ZMAT1: variants seen among roughly 807,000 people sequenced by gnomAD.
ZMAT1 encodes the protein zinc finger matrin-type protein 1.
ZMAT1 carries 11 observed loss-of-function variants against 18.5 expected under a neutral mutation model. The ratio of observed to expected loss-of-function variants is 0.59; its 90% confidence interval spans 0.37 to 0.98. The LOEUF (loss-of-function observed/expected upper bound fraction) is 0.98. Among genes scored for constraint, ZMAT1 ranks in the 50% least tolerant of loss-of-function variants. ZMAT1 has a pLI of 0.01. For synonymous variants in ZMAT1, 211 were observed against 176.4 expected (o/e 1.20, Z -1.55); for missense variants, 525 against 496.2 (o/e 1.06, Z -0.55).
chrX:101,931,663 A>G, intron 1 of ZMAT1, 54 bp downstream of exon 1: 1 of 752,321 alleles, frequency 1.3e-6, no homozygotes. Context: ...GACGGGCTGA[A>G]GAGAGGCAGC....
chrX:101,918,001 A>AC (rs1192523880), intron 1 of ZMAT1, among the ~76,000 whole-genome samples: 1 of 111,901 alleles, frequency 8.9e-6, no homozygotes, highest in Admixed American at 9.5e-5. Flanking sequence ...GAATTCATGG[A>AC]CATACAGATT....
intron 2 of ZMAT1, among the ~76,000 whole-genome samples, chrX:101,901,625 C>T (rs1928237570): frequency 9.0e-6 from 1 of 111,544 alleles, no homozygotes; most frequent in African/African-American, 3.2e-5. Flanking sequence ...CCCTCATGCT[C>T]ACAATCCTTT....
Position 101,931,707 on chromosome X carries a change from G to T in ZMAT1, c.292+10C>A. 4.0e-6 allele frequency: 3 copies of T among 758,877 alleles called. No individual in the cohort carries two copies. The highest frequency in any genetic ancestry group is 4.7e-6 in the Non-Finnish European group (3 of 641,879). 62.5% of individuals were successfully genotyped at this position (758,877 alleles called of 1,213,427 possible). On this transcript the variant is annotated intron_variant, in intron 1 of 5. Transcript: ENST00000651725. ...TGGGGCCGCCCCCGCACCCCGGGACGGGAACTCACCTTCTCTGAGGCAAGG... is the reference window on the plus strand; with the variant it reads ...TGGGGCCGCCCCCGCACCCCGGGACTGGAACTCACCTTCTCTGAGGCAAGG...
intron 1 of ZMAT1, 66 bp downstream of exon 1, chrX:101,931,651 C>G: frequency 1.3e-6 from 1 of 745,478 alleles, no homozygotes; most frequent in Non-Finnish European, 1.6e-6. Flanking sequence ...AGCCCAATCT[C>G]GGACGGGCTG....
intron 1 of ZMAT1, chrX:101,931,487 G>GC (rs1328440453): frequency 5.3e-6 from 4 of 751,471 alleles, no homozygotes; most frequent in Non-Finnish European, 6.3e-6. Flanking sequence ...TTGCCTGGGG[G>GC]CCCCCATCCT....
chrX:101,895,416 T>C (rs770487660), intron 4 of ZMAT1, among the ~76,000 whole-genome samples: 3 of 111,378 alleles, frequency 2.7e-5, no homozygotes, highest in Non-Finnish European at 5.7e-5. Flanking sequence ...GGTTCTCATT[T>C]CCTAGGAAAT....
At chrX:101,911,889 G>T in intron 1 of ZMAT1, 1 of 1,206,982 alleles carries the variant, frequency 8.3e-7, no homozygotes, top group Admixed American at 2.2e-5. Flanking sequence ...CAGCATGAAA[G>T]GACGCACACT....
intron 4 of ZMAT1, among the ~76,000 whole-genome samples, chrX:101,897,544 T>TA (rs776116456): frequency 4.1e-3 from 323 of 78,876 alleles, no homozygotes; most frequent in Middle Eastern, 6.5e-3. Flanking sequence ...AGTGTCTATC[T>TA]AAAAAAAAAA....
chrX:101,931,975 C>T lies in ZMAT1; in HGVS notation c.34G>A (p.Ala12Thr). The stretch of plus-strand genomic sequence containing the variant: ...GCTTCCTGAGGGGAAGACTCCGCCG[C>T]CAGCGGGGTGACTGTGCTCGGCGCC... ...AAAPSTVTPL[A>T]AESSPQEATV... The change falls in exon 1 of 6, where the codon GCG becomes ACG. Residue 12 changes from alanine to threonine, a missense_variant. Physicochemically the swap from Ala to Thr is moderately conservative, Grantham distance 58. Coordinates refer to ENST00000651725, the MANE Select transcript of ZMAT1 (RefSeq NM_001394560.1). 1.3e-6 allele frequency: 1 copy of T among 772,673 alleles called. No homozygotes were observed. The highest frequency in any genetic ancestry group is 1.5e-6 in the Non-Finnish European group (1 of 651,620). 63.7% of individuals were successfully genotyped at this position (772,673 alleles called of 1,213,427 possible). A position where few individuals can be genotyped will look rare whatever the true frequency, so the allele number is the denominator to read the frequency against.
chrX:101,911,182 G>A (rs1393300819), intron 1 of ZMAT1, among the ~76,000 whole-genome samples: 4 of 111,903 alleles, frequency 3.6e-5, no homozygotes, highest in African/African-American at 1.3e-4. Flanking sequence ...AGTATATTCA[G>A]TGAAAATATC....
chrX:101,921,055 C>A (rs1008023261), intron 1 of ZMAT1, among the ~76,000 whole-genome samples: 8 of 110,269 alleles, frequency 7.3e-5, no homozygotes, highest in African/African-American at 2.6e-4. Flanking sequence ...AAATGTACAT[C>A]TTTTTTGCAC....
At position 101,897,966 on chromosome X, in the gene ZMAT1, G is replaced by C; in HGVS notation, c.578C>G (p.Ala193Gly). ...GACCTTTCCCACATAGTGAGACTGAGCAATAAGTGGAGAGCTAAACATCAT... is the reference window on the plus strand; with the variant it reads ...GACCTTTCCCACATAGTGAGACTGACCAATAAGTGGAGAGCTAAACATCAT... ...CNMMFSSPLI[A>G]QSHYVGKVHA... The change falls in exon 4 of 6, where the codon GCT (alanine) becomes GGT (glycine). Residue 193 changes from alanine (A) to glycine (G), a missense_variant. Transcript: ENST00000651725. The C allele has an allele frequency of 1.1e-5, 13 of 1,211,429 alleles. No individual in the cohort carries two copies. The highest frequency in any genetic ancestry group is 1.5e-5 in the Non-Finnish European group (13 of 895,223).
chrX:101,908,681 G>C (rs1928763655), intron 1 of ZMAT1, among the ~76,000 whole-genome samples: 1 of 111,436 alleles, frequency 9.0e-6, no homozygotes, highest in South Asian at 3.8e-4. Context: ...AAACTCAGCT[G>C]GTACCCAACC....
At chrX:101,902,824 C>T (rs939917244) in intron 2 of ZMAT1, among the ~76,000 whole-genome samples, 4 of 111,500 alleles carry the variant, frequency 3.6e-5, no homozygotes, top group African/African-American at 1.3e-4. Context: ...TTAATAAATA[C>T]AACCTCATTA....
intron 2 of ZMAT1, among the ~76,000 whole-genome samples, chrX:101,903,698 T>C (rs187167738): frequency 4.8e-4 from 54 of 111,927 alleles, no homozygotes; most frequent in African/African-American, 1.7e-3. Context: ...GGAGAAGTAT[T>C]AATCCTCTTG....
chrX:101,884,868 A>T, intron 5 of ZMAT1, 47 bp from the exon 6 acceptor site: 3 of 753,213 alleles, frequency 4.0e-6, no homozygotes, highest in Non-Finnish European at 3.7e-6. Flanking sequence ...TTTTATTCTA[A>T]ATATTTTATT....
chrX:101,928,222 A>G (rs1327681451), intron 1 of ZMAT1, among the ~76,000 whole-genome samples: 4 of 112,382 alleles, frequency 3.6e-5, no homozygotes, highest in African/African-American at 1.3e-4. Context: ...AAGCACTATT[A>G]TTGAGTTGTT....
rs747746769 is a variant in ZMAT1, at chrX:101,884,152, G to A, written c.1446C>T (p.His482=). Reference sequence around the variant, plus strand: ...TGACATCAACCATTTCTCTGTTCCTGTGTGTTTCTACAGAGCTATCTCCTA... The same window carrying A: ...TGACATCAACCATTTCTCTGTTCCTATGTGTTTCTACAGAGCTATCTCCTA... ...RKIGDSSVET[H]RNREMVDVRP... The change falls in exon 6 of 6, where the codon CAC becomes CAT. Residue 482 remains histidine, a synonymous_variant. Transcript: ENST00000651725. The A allele has an allele frequency of 3.1e-5, 37 of 1,208,932 alleles. No individual in the cohort carries two copies. In the East Asian group the frequency reaches 1.0e-3, roughly 34 times the overall value.
intron 5 of ZMAT1, among the ~76,000 whole-genome samples, chrX:101,885,759 C>T (rs1316736190): frequency 9.0e-6 from 1 of 111,161 alleles, no homozygotes; most frequent in African/African-American, 3.3e-5. Context: ...TCATGGTTCA[C>T]TGCAGCCTCA....
Sources: allele counts gnomAD v4.1 joint callset (sites outside exome capture counted in the v4.1 genomes callset), GRCh38; gene constraint gnomAD v4.1.1; transcripts MANE v1.5; gene names NCBI Gene and HGNC (gene_info 2026-07-23, HGNC 2026-07-21).